The following PPP1CC variants were observed in gnomAD, a reference collection of about 807,000 sequenced individuals.
The protein encoded by PPP1CC is protein phosphatase 1 catalytic subunit gamma, also known as serine/threonine-protein phosphatase PP1-gamma catalytic subunit.
PPP1CC carries 16 observed loss-of-function variants against 38.4 expected under a neutral mutation model. That is an observed-to-expected ratio of 0.42 (90% CI 0.28 to 0.63). PPP1CC has a LOEUF of 0.63. PPP1CC is among the 30% of genes least tolerant of loss of function. The probability of loss-of-function intolerance (pLI) is 0.25; values close to 1 mark genes in which losing one functional copy is unlikely to be tolerated. For missense variants in PPP1CC, 170 were observed against 391.3 expected (o/e 0.43, Z 4.77); for synonymous variants, 158 against 136.0 (o/e 1.16, Z -1.13).
intron 3 of PPP1CC, 92 bp downstream of exon 3, chr12:110,730,437 C>T (rs1343246260): frequency 2.9e-6 from 3 of 1,045,860 alleles, no homozygotes; most frequent in Non-Finnish European, 4.2e-6. Context: ...TGCATCTAAA[C>T]TCTCACAATT....
At chr12:110,723,621 C>T (rs947393774) in intron 4 of PPP1CC, among the ~76,000 whole-genome samples, 1 of 152,092 alleles carries the variant, frequency 6.6e-6, no homozygotes, top group African/African-American at 2.4e-5. Context: ...GCGATCCTCC[C>T]GCCTCAGCCT....
At chr12:110,735,874 G>C (rs1284341031) in intron 1 of PPP1CC, among the ~76,000 whole-genome samples, 1 of 152,052 alleles carries the variant, frequency 6.6e-6, no homozygotes, top group Non-Finnish European at 1.5e-5. Context: ...AGACCAGCCT[G>C]GCCAACATGG....
intron 2 of PPP1CC, 108 bp downstream of exon 2, chr12:110,731,662 T>G: frequency 7.8e-7 from 1 of 1,280,564 alleles, no homozygotes; most frequent in Non-Finnish European, 1.1e-6. Context: ...TTCCAAGCTA[T>G]TCGCAAACAG....
intron 1 of PPP1CC, chr12:110,732,951 A>G (rs567490807): frequency 1.3e-5 from 2 of 152,316 alleles, no homozygotes; most frequent in Admixed American, 1.3e-4. Context: ...TCACTTTTGG[A>G]CCCCAAAATA....
chr12:110,722,174 G>A lies in PPP1CC; in HGVS notation c.843C>T (p.Ala281=), dbSNP rs1222750465. 6.2e-7 allele frequency: 1 copy of A among 1,614,122 alleles called. No individual in the cohort carries two copies. Among genetic ancestry groups the A allele is most frequent in the Middle Eastern group, 1.6e-4 (1 of 6,062 alleles). Residue 281 remains alanine, a synonymous_variant, in exon 6 of 7, where the codon GCC becomes GCT. Transcript: ENST00000335007. This position sits in a 1 kb window ranked among gnomAD's most constrained non-coding sequence, Gnocchi z 5.4. ...TTAGTGTTTCATCCACACTCATCAT[G>A]GCACCTGCATTGTCAAACTCTCCGC... ...NYCGEFDNAG[A]MMSVDETLMC...
chr12:110,726,775 T>C (rs1480376786), intron 3 of PPP1CC: 1 of 152,004 alleles, frequency 6.6e-6, no homozygotes, highest in Non-Finnish European at 1.5e-5. Flanking sequence ...TAACCAGTAA[T>C]TATAACACAA....
In PPP1CC at chr12:110,720,981, A is replaced by G. The variant is rs1051958576; in HGVS notation, c.*95T>C. Reference sequence around the variant, plus strand: ...GAAGGGCCCCCACAAACACAGATCTATCTGAGCAAGCTGACCAGTACACAT... The same window carrying G: ...GAAGGGCCCCCACAAACACAGATCTGTCTGAGCAAGCTGACCAGTACACAT... On this transcript the variant is annotated 3_prime_UTR_variant, in exon 7 of 7. Transcript: ENST00000335007. 4.6e-6 allele frequency: 5 copies of G among 1,089,884 alleles called. No individual in the cohort carries two copies. Among genetic ancestry groups the G allele is most frequent in the Non-Finnish European group, 6.7e-6 (5 of 742,312 alleles). 67.5% of individuals were successfully genotyped at this position (1,089,884 alleles called of 1,614,324 possible).
At chr12:110,718,015 C>A (rs1291149109), downstream of PPP1CC, among the ~76,000 whole-genome samples, 7 of 152,174 alleles carry the variant, frequency 4.6e-5, no homozygotes, top group Admixed American at 4.6e-4. Flanking sequence ...TCATCATGGA[C>A]CCACATTGAG....
At chr12:110,721,902 C>G in intron 6 of PPP1CC, 1 of 513,170 alleles carries the variant, frequency 1.9e-6, no homozygotes, top group South Asian at 3.8e-5. Flanking sequence ...CATTAAGGAG[C>G]CAATATGCAA....
intron 6 of PPP1CC, 127 bp from the exon 7 acceptor site, chr12:110,721,292 C>T: frequency 1.5e-6 from 1 of 674,736 alleles, no homozygotes; most frequent in Non-Finnish European, 2.6e-6. Flanking sequence ...TAAAAGCCCC[C>T]CTAGCATATT....
intron 3 of PPP1CC, chr12:110,726,596 A>G (rs2069802145): frequency 6.6e-6 from 1 of 152,146 alleles, no homozygotes; most frequent in African/African-American, 2.4e-5. Context: ...ATCTCCAAAA[A>G]CCACCAACTC....
At chr12:110,737,788 A>G (rs1286169273) in intron 1 of PPP1CC, among the ~76,000 whole-genome samples, 1 of 152,018 alleles carries the variant, frequency 6.6e-6, no homozygotes, top group Non-Finnish European at 1.5e-5. Flanking sequence ...AAAAAGAAAA[A>G]GAAAAAAAAA....
chr12:110,724,398 AAAAAATAAAAT>A (rs1192923807), intron 4 of PPP1CC, among the ~76,000 whole-genome samples: 3 of 152,200 alleles, frequency 2.0e-5, no homozygotes, highest in African/African-American at 7.2e-5. Flanking sequence ...TCATCCTTAC[AAAAAATAAAAT>A]AAAAATAAAA....
chr12:110,718,385 A>T (rs1280995408), downstream of PPP1CC, among the ~76,000 whole-genome samples: 1 of 152,344 alleles, frequency 6.6e-6, no homozygotes, highest in Non-Finnish European at 1.5e-5. Flanking sequence ...AACCAAACCA[A>T]AACACTTAAT....
rs754917281 is a variant in PPP1CC at position 110,722,769 on chromosome 12, T to C, written c.524-74A>G. Reference sequence around the variant, plus strand: ...GGATACTACCCCTTCAAAAGTTCCATTTGTCTACAGAGAAATTCAATAATC... The same window carrying C: ...GGATACTACCCCTTCAAAAGTTCCACTTGTCTACAGAGAAATTCAATAATC... On this transcript the variant is annotated intron_variant, in intron 4 of 6. Transcript: ENST00000335007. The surrounding 1 kb of genome is among the most constrained non-coding windows in gnomAD (Gnocchi z 5.4). 528 of 1,091,228 alleles carry C rather than the reference T, an allele frequency of 4.8e-4. No individual in the cohort carries two copies. The highest frequency in any genetic ancestry group is 6.6e-4 in the Non-Finnish European group (506 of 771,614). The allele number at this position is 1,091,228 out of a possible 1,614,324, so 67.6% of individuals were successfully genotyped here.
In PPP1CC at chr12:110,722,444, G is replaced by A; in HGVS notation, c.747+28C>T. The A allele has an allele frequency of 1.9e-6, 3 of 1,597,440 alleles. No individual in the cohort carries two copies. The highest frequency in any genetic ancestry group is 2.6e-6 in the Non-Finnish European group (3 of 1,164,876). On this transcript the variant is annotated intron_variant, in intron 5 of 6. Transcript: ENST00000335007. This position sits in a 1 kb window ranked among gnomAD's most constrained non-coding sequence, Gnocchi z 5.4. ...TCTGTGCTCACACACATGCTCTTAA[G>A]TGTACATGTAAAATTCAAAATCAAT...
intron 3 of PPP1CC, among the ~76,000 whole-genome samples, chr12:110,728,859 T>C (rs1043597093): frequency 6.6e-6 from 1 of 152,166 alleles, no homozygotes; most frequent in African/African-American, 2.4e-5. Flanking sequence ...AGGGTGGTAG[T>C]AGAAGGGCTC....
intron 1 of PPP1CC, among the ~76,000 whole-genome samples, chr12:110,737,477 C>CAAAAAAAAAAAAAAAAAAAAAAAAAA (rs71083137): frequency 2.4e-4 from 10 of 42,484 alleles, no homozygotes; most frequent in African/African-American, 6.3e-4. Context: ...AAGAAAGACT[C>CAAAAAAAAAAAAAAAAAAAAAAAAAA]AAAAAAAAAA....
intron 1 of PPP1CC, among the ~76,000 whole-genome samples, chr12:110,737,319 A>C (rs1427349493): frequency 6.6e-6 from 1 of 151,612 alleles, no homozygotes; most frequent in African/African-American, 2.4e-5. Context: ...CTCTACCAAA[A>C]ATACAAAAAT....
Sources: gnomAD v4.1 joint callset for allele counts (sites outside exome capture counted in the v4.1 genomes callset) on GRCh38, gnomAD v4.1.1 for gene constraint, Gnocchi (gnomAD v3.1) non-coding constraint, MANE v1.5 for transcripts, NCBI Gene and HGNC (gene_info 2026-07-23, HGNC 2026-07-21) for gene names.